The following TNIK variants were observed in gnomAD, a reference collection of about 807,000 sequenced individuals.
TNIK encodes the protein TRAF2 and NCK-interacting protein kinase.
A neutral mutation model predicts 191.3 loss-of-function variants in TNIK; 49 were observed. That is an observed-to-expected ratio of 0.26 (90% CI 0.20 to 0.32). The LOEUF is 0.32. Among genes scored for constraint, TNIK ranks in the 10% least tolerant of loss-of-function variants. The pLI is 1.00. For synonymous variants in TNIK, 594 were observed against 600.9 expected, an observed-to-expected ratio of 0.99 and a Z score of 0.17; for missense variants, 1,155 against 1,702.3, an observed-to-expected ratio of 0.68 and a Z score of 5.66.
At chr3:171,381,972 C>T (rs577066358) in intron 1 of TNIK, among the ~76,000 whole-genome samples, 11 of 152,262 alleles carry the variant, frequency 7.2e-5, no homozygotes, top group South Asian at 2.1e-4. Flanking sequence ...ACCATGCTAC[C>T]GCTAAGCTGC....
chr3:171,306,228 A>G (rs1429215114), intron 2 of TNIK, among the ~76,000 whole-genome samples: 2 of 152,132 alleles, frequency 1.3e-5, no homozygotes, highest in Non-Finnish European at 2.9e-5. Flanking sequence ...GGAGGTTAGG[A>G]GGAGGGAGAA....
intron 2 of TNIK, among the ~76,000 whole-genome samples, chr3:171,302,828 A>G (rs1348468977): frequency 6.6e-6 from 1 of 152,198 alleles, no homozygotes; most frequent in African/African-American, 2.4e-5. Context: ...TTGCACCTGC[A>G]GGAAATATAG....
intron 19 of TNIK, 126 bp from the exon 20 acceptor site, chr3:171,108,288 G>T: frequency 1.5e-6 from 1 of 649,372 alleles, no homozygotes; most frequent in Admixed American, 3.7e-5. Context: ...CATTCACCTG[G>T]GCAAATCCTC....
At chr3:171,417,447 C>T (rs181564027) in intron 1 of TNIK, among the ~76,000 whole-genome samples, 1 of 152,208 alleles carries the variant, frequency 6.6e-6, no homozygotes, top group East Asian at 1.9e-4. Context: ...CTTCACTAAC[C>T]CTCTTCAATG....
chr3:171,429,685 A>C (rs1386907178), intron 1 of TNIK, among the ~76,000 whole-genome samples: 4 of 152,070 alleles, frequency 2.6e-5, no homozygotes, highest in African/African-American at 9.7e-5. Flanking sequence ...CCATCCCTCA[A>C]ACAAGCATTT....
At chr3:171,066,782 C>A (rs1271489400) in intron 30 of TNIK, 47 bp from the exon 31 acceptor site, 4 of 1,575,006 alleles carry the variant, frequency 2.5e-6, no homozygotes, top group African/African-American at 1.4e-5. Flanking sequence ...AAAAATAAAA[C>A]ACCTTGACTA....
intron 2 of TNIK, among the ~76,000 whole-genome samples, chr3:171,236,562 G>A (rs73043076): frequency 0.025 from 3,737 of 152,290 alleles, 152 homozygotes; most frequent in African/African-American, 0.083. Flanking sequence ...GCAAGGTCCA[G>A]ACGCTGCCCT....
intron 15 of TNIK, among the ~76,000 whole-genome samples, chr3:171,135,778 G>C (rs1000358098): frequency 1.8e-4 from 27 of 152,178 alleles, no homozygotes; most frequent in African/African-American, 6.5e-4. Flanking sequence ...CATGTTGTTT[G>C]CATGCTCAAA....
intron 12 of TNIK, among the ~76,000 whole-genome samples, chr3:171,156,341 T>G (rs985658603): frequency 6.6e-6 from 1 of 152,208 alleles, no homozygotes; most frequent in Non-Finnish European, 1.5e-5. Context: ...TGGACCTTGA[T>G]GTACCATTTA....
intron 2 of TNIK, among the ~76,000 whole-genome samples, chr3:171,317,643 G>A (rs979304249): frequency 8.5e-5 from 13 of 152,152 alleles, no homozygotes; most frequent in Non-Finnish European, 1.8e-4. Flanking sequence ...AAGATGACAA[G>A]AAAGGGAAAG....
intron 1 of TNIK, among the ~76,000 whole-genome samples, chr3:171,406,911 C>T (rs1721770381): frequency 6.6e-6 from 1 of 152,156 alleles, no homozygotes; most frequent in African/African-American, 2.4e-5. Flanking sequence ...TGACAAAGAT[C>T]ACAGTAGACT....
intron 1 of TNIK, among the ~76,000 whole-genome samples, chr3:171,458,155 C>G (rs911153369): frequency 1.4e-5 from 2 of 141,322 alleles, no homozygotes; most frequent in Non-Finnish European, 3.1e-5. Flanking sequence ...TTCCCGCCCC[C>G]CACCCCGACC....
intron 18 of TNIK, among the ~76,000 whole-genome samples, chr3:171,120,842 A>G (rs1727630677): frequency 6.6e-6 from 1 of 152,156 alleles, no homozygotes; most frequent in African/African-American, 2.4e-5. Flanking sequence ...GCAAAATAAG[A>G]AAGTGAGGCA....
intron 12 of TNIK, among the ~76,000 whole-genome samples, chr3:171,141,314 G>A (rs1406547031): frequency 6.6e-6 from 1 of 152,200 alleles, no homozygotes; most frequent in East Asian, 1.9e-4. Context: ...TTAAGTAATT[G>A]TTCAAGGTCA....
intron 2 of TNIK, among the ~76,000 whole-genome samples, chr3:171,260,922 C>G (rs1435228294): frequency 6.6e-6 from 1 of 152,164 alleles, no homozygotes; most frequent in Non-Finnish European, 1.5e-5. Context: ...CGAAATATTG[C>G]AAATTTTATT....
chr3:171,331,365 T>C lies in TNIK; in HGVS notation c.123+38255A>G, dbSNP rs559399951. 2.6e-5 allele frequency among the ~76,000 whole-genome samples: 4 copies of C among 152,358 alleles called. No homozygotes were observed. The South Asian group carries it at 8.3e-4, about 32-fold the overall frequency. On this transcript the variant is annotated intron_variant, in intron 2 of 32. Coordinates refer to ENST00000436636, the MANE Select transcript of TNIK (RefSeq NM_015028.4). ...ATTTCTTAATATTTTCTGTGATGGC[T>C]TGACTTGCTAAAATGACAAGGTGTA...
intron 1 of TNIK, among the ~76,000 whole-genome samples, chr3:171,416,844 C>T (rs2108618827): frequency 6.6e-6 from 1 of 152,296 alleles, no homozygotes; most frequent in South Asian, 2.1e-4. Flanking sequence ...CTCTTTCTTT[C>T]TCTTGCCAAT....
chr3:171,223,104 T>C (rs1338977587), intron 3 of TNIK, among the ~76,000 whole-genome samples: 2 of 152,200 alleles, frequency 1.3e-5, no homozygotes, highest in Non-Finnish European at 2.9e-5. Flanking sequence ...TCTAGATTCA[T>C]CTTGTATCAA....
chr3:171,264,296 G>A (rs1748105290), intron 2 of TNIK, among the ~76,000 whole-genome samples: 1 of 150,834 alleles, frequency 6.6e-6, no homozygotes, highest in South Asian at 2.1e-4. Flanking sequence ...ATACATCATT[G>A]CATATAGACA....
Sources: allele counts gnomAD v4.1 joint callset (sites outside exome capture counted in the v4.1 genomes callset), GRCh38; gene constraint gnomAD v4.1.1; transcripts MANE v1.5; gene names NCBI Gene and HGNC (gene_info 2026-07-23, HGNC 2026-07-21).